TMEM132B: variants seen among roughly 807,000 people sequenced by gnomAD.
TMEM132B encodes transmembrane protein 132B.
TMEM132B carries 18 observed loss-of-function variants against 90.8 expected under a neutral mutation model. The ratio of observed to expected loss-of-function variants is 0.20; its 90% confidence interval spans 0.14 to 0.29. TMEM132B has a LOEUF of 0.29. Ranked by LOEUF, TMEM132B falls within the 10% of genes least tolerant of loss-of-function variation. The probability of loss-of-function intolerance (pLI) is 1.00; values close to 1 mark genes in which losing one functional copy is unlikely to be tolerated. For missense variants in TMEM132B, 1,096 were observed against 1,326.8 expected, an observed-to-expected ratio of 0.83 and a Z score of 2.70; for synonymous variants, 504 against 523.3, an observed-to-expected ratio of 0.96 and a Z score of 0.50.
intron 5 of TMEM132B, among the ~76,000 whole-genome samples, chr12:125,625,556 A>G (rs570483363): frequency 9.2e-5 from 14 of 152,218 alleles, no homozygotes; most frequent in Admixed American, 7.8e-4. Context: ...CAGTTTATCT[A>G]TTTGCCTGTT....
intron 1 of TMEM132B, among the ~76,000 whole-genome samples, chr12:125,294,289 A>G (rs1173479689): frequency 6.6e-6 from 1 of 152,252 alleles, no homozygotes; most frequent in Non-Finnish European, 1.5e-5. Context: ...TGGAATAGGC[A>G]TGCTTGCATT....
At chr12:125,262,991 G>A (rs1162211891) in intron 1 of TMEM132B, among the ~76,000 whole-genome samples, 1 of 151,514 alleles carries the variant, frequency 6.6e-6, no homozygotes, top group South Asian at 2.1e-4. Flanking sequence ...GTGGATTGGA[G>A]TCTGTTTCAT....
intron 1 of TMEM132B, among the ~76,000 whole-genome samples, chr12:125,231,071 G>A (rs1873809649): frequency 6.6e-6 from 1 of 152,108 alleles, no homozygotes; most frequent in Admixed American, 6.6e-5. Context: ...TGGTAGGGCC[G>A]TGCTCCCTCC....
intron 8 of TMEM132B, 124 bp downstream of exon 8, chr12:125,652,756 G>A: frequency 5.1e-6 from 6 of 1,175,620 alleles, no homozygotes; most frequent in Non-Finnish European, 7.0e-6. Context: ...GAAGCTTCTT[G>A]CTTCTTATCC....
In TMEM132B at chr12:125,654,433, G is replaced by A. The variant is rs1593049297; in HGVS notation, c.2975G>A (p.Gly992Asp). Residue 992 changes from glycine (G) to aspartate (D), a missense_variant, in exon 9 of 9, where the codon GGC becomes GAC. By Grantham distance (94) the Gly-to-Asp change is moderately conservative. Transcript: ENST00000682704. This position sits in a 1 kb window ranked among gnomAD's most constrained non-coding sequence, Gnocchi z 5.8. Reference sequence around the variant, plus strand: ...GAGGAGAGGAACTTCCTTCTGAATGGCAGTTCCCAGAAGACTTTTCATAGT... The same window carrying A: ...GAGGAGAGGAACTTCCTTCTGAATGACAGTTCCCAGAAGACTTTTCATAGT... ...QFEERNFLLN[G>D]SSQKTFHSQL... 1 of 1,613,570 alleles carries A rather than the reference G, an allele frequency of 6.2e-7. No individual in the cohort carries two copies. Among genetic ancestry groups the A allele is most frequent in the Non-Finnish European group, 8.5e-7 (1 of 1,179,988 alleles).
At chr12:125,625,053 G>C (rs920074208) in intron 5 of TMEM132B, among the ~76,000 whole-genome samples, 5 of 150,368 alleles carry the variant, frequency 3.3e-5, no homozygotes, top group African/African-American at 1.2e-4. Flanking sequence ...GATTCATTTT[G>C]TGTTCTTACA....
chr12:125,521,910 G>A (rs1411597126), intron 4 of TMEM132B, among the ~76,000 whole-genome samples: 2 of 152,198 alleles, frequency 1.3e-5, no homozygotes, highest in African/African-American at 2.4e-5. Flanking sequence ...GAACTGATCA[G>A]AGGAGGGCCA....
At chr12:125,441,459 A>G (rs1363822221) in intron 3 of TMEM132B, among the ~76,000 whole-genome samples, 1 of 152,256 alleles carries the variant, frequency 6.6e-6, no homozygotes, top group African/African-American at 2.4e-5. Flanking sequence ...GAAACACTTA[A>G]TGAACCAGTG....
At chr12:125,298,146 C>CT (rs1875717020) in intron 1 of TMEM132B, among the ~76,000 whole-genome samples, 1 of 152,196 alleles carries the variant, frequency 6.6e-6, no homozygotes, top group African/African-American at 2.4e-5. Flanking sequence ...TTCCCAGCTA[C>CT]TGTGGAGGCT....
chr12:125,288,558 C>G (rs980495730), intron 1 of TMEM132B, among the ~76,000 whole-genome samples: 3 of 151,276 alleles, frequency 2.0e-5, no homozygotes, highest in Non-Finnish European at 4.4e-5. Flanking sequence ...TTGCTGGTTA[C>G]TTTGGTTGTT....
chr12:125,482,587 G>A (rs1172109588), intron 3 of TMEM132B, among the ~76,000 whole-genome samples: 23 of 152,054 alleles, frequency 1.5e-4, no homozygotes, highest in Admixed American at 9.8e-4. Context: ...TTAAAAAGTC[G>A]GGAAACAATA....
At chr12:125,193,307 G>C (rs1442570300) in intron 1 of TMEM132B, among the ~76,000 whole-genome samples, 1 of 152,176 alleles carries the variant, frequency 6.6e-6, no homozygotes, top group African/African-American at 2.4e-5. Context: ...TGGCAAGGTA[G>C]GGTCTCCTCC....
chr12:125,418,938 G>C (rs1880097084), intron 3 of TMEM132B, among the ~76,000 whole-genome samples: 1 of 152,158 alleles, frequency 6.6e-6, no homozygotes, highest in Non-Finnish European at 1.5e-5. Flanking sequence ...TGAACCAAGG[G>C]AACCGAAAGC....
In TMEM132B at chr12:125,251,036, A is replaced by G. The variant is rs1874306824; in HGVS notation, c.67+64170A>G. Among the ~76,000 whole-genome samples, 1 of 152,174 alleles carries G rather than the reference A, an allele frequency of 6.6e-6. No individual in the cohort carries two copies. The highest frequency in any genetic ancestry group is 1.5e-5 in the Non-Finnish European group (1 of 68,032). On this transcript the variant is annotated intron_variant, in intron 1 of 8. Coordinates refer to ENST00000682704, the MANE Select transcript of TMEM132B (RefSeq NM_001366854.1). This position sits in a 1 kb window ranked among gnomAD's most constrained non-coding sequence, Gnocchi z 4.4. ...GAGGTTTCTCTAAAAAGAAGAGATC[A>G]TTTCCGACTATTGCTAATTTAACAA...
rs573199499 is a variant in TMEM132B, at chr12:125,305,906, T to C, written c.68-43546T>C. On this transcript the variant is annotated intron_variant, in intron 1 of 8. Transcript: ENST00000682704. ...AGTTAGAGATCATGCTAGGTTATTTTGTCTGCGAGATCCTTGTAATGAGCT... is the reference window on the plus strand; with the variant it reads ...AGTTAGAGATCATGCTAGGTTATTTCGTCTGCGAGATCCTTGTAATGAGCT... 5.9e-5 allele frequency among the ~76,000 whole-genome samples: 9 copies of C among 152,358 alleles called. No homozygotes were observed. The South Asian group carries it at 1.9e-3, about 32-fold the overall frequency.
chr12:125,361,212 T>G (rs1231192593), intron 2 of TMEM132B, among the ~76,000 whole-genome samples: 2 of 152,060 alleles, frequency 1.3e-5, no homozygotes, highest in African/African-American at 4.8e-5. Flanking sequence ...GAGTTTCTTA[T>G]GTACGTTGTC....
At chr12:125,195,319 A>G (rs1165905014) in intron 1 of TMEM132B, among the ~76,000 whole-genome samples, 3 of 150,714 alleles carry the variant, frequency 2.0e-5, no homozygotes, top group African/African-American at 7.3e-5. Flanking sequence ...CACACCGTTC[A>G]TTACCTGGTG....
intron 1 of TMEM132B, among the ~76,000 whole-genome samples, chr12:125,314,791 C>G (rs1666838): frequency 0.74 from 112,814 of 152,218 alleles, 42,775 homozygotes; most frequent in African/African-American, 0.89. Context: ...GGTTGCCTGG[C>G]CTGTTCTTTC....
At chr12:125,440,145 T>C (rs951007591) in intron 3 of TMEM132B, among the ~76,000 whole-genome samples, 5 of 152,146 alleles carry the variant, frequency 3.3e-5, no homozygotes, top group Admixed American at 1.3e-4. Context: ...TTTTGTTGTG[T>C]CTCCTCCAGG....
Sources: allele counts gnomAD v4.1 joint callset (sites outside exome capture counted in the v4.1 genomes callset), GRCh38; gene constraint gnomAD v4.1.1; non-coding constraint Gnocchi (gnomAD v3.1); transcripts MANE v1.5; gene names NCBI Gene and HGNC (gene_info 2026-07-23, HGNC 2026-07-21).